Variants in UXS1 observed in about 807,000 individuals in gnomAD.
The protein encoded by UXS1 is UDP-glucuronic acid decarboxylase 1.
UXS1 carries 33 observed loss-of-function variants against 62.6 expected under a neutral mutation model. That is an observed-to-expected ratio of 0.53 (90% confidence interval 0.40 to 0.70). UXS1 has a LOEUF of 0.70. UXS1 is among the 30% of genes least tolerant of loss of function. The pLI, the probability that UXS1 is intolerant of heterozygous loss-of-function variation, is 0.00. For synonymous variants in UXS1, 213 were observed against 206.8 expected, an observed-to-expected ratio of 1.03 and a Z score of -0.26; for missense variants, 434 against 556.3, an observed-to-expected ratio of 0.78 and a Z score of 2.21.
At chr2:106,162,939 C>T (rs1682989683) in intron 4 of UXS1, among the ~76,000 whole-genome samples, 10 of 152,222 alleles carry the variant, frequency 6.6e-5, no homozygotes, top group Admixed American at 6.5e-4. Flanking sequence ...ATCGTCCAAA[C>T]TCATCCCAAT....
intron 9 of UXS1, among the ~76,000 whole-genome samples, chr2:106,116,384 A>G (rs982664544): frequency 7.2e-5 from 11 of 152,186 alleles, no homozygotes; most frequent in South Asian, 6.2e-4. Flanking sequence ...CAAAGGACTC[A>G]AGGGCGGTAA....
intron 14 of UXS1, among the ~76,000 whole-genome samples, chr2:106,094,723 T>G (rs1476253501): frequency 1.3e-5 from 2 of 152,164 alleles, no homozygotes; most frequent in Non-Finnish European, 2.9e-5. Context: ...AAAGCAACCT[T>G]CATCTGAAGC....
intron 1 of UXS1, 56 bp from the exon 2 acceptor site, chr2:106,166,139 C>T: frequency 6.6e-7 from 1 of 1,521,768 alleles, no homozygotes; most frequent in Non-Finnish European, 9.0e-7. Flanking sequence ...TTCAGGGATT[C>T]CAATGGATGG....
chr2:106,164,691 C>A, intron 3 of UXS1, 45 bp downstream of exon 3: 1 of 1,392,566 alleles, frequency 7.2e-7, no homozygotes, highest in Admixed American at 2.3e-5. Context: ...GTAAAATTGA[C>A]AAGTATACAG....
chr2:106,158,083 G>A lies in UXS1; in HGVS notation c.266C>T (p.Ser89Leu). The change falls in exon 5 of 15, where the codon TCA (serine) becomes TTA (leucine). Residue 89 changes from serine (S) to leucine (L), a missense_variant. Transcript: ENST00000283148. ...CAAAATTCTTTTCCGATCCTTTTCTGATAAAAACTTTACTGGTGGGTATTT... is the reference window on the plus strand; with the variant it reads ...CAAAATTCTTTTCCGATCCTTTTCTAATAAAAACTTTACTGGTGGGTATTT... ...TQKYPPVKFLSEKDRKRILIT... is the reference protein window; with the variant it reads ...TQKYPPVKFLLEKDRKRILIT... 1 of 1,567,790 alleles carries A rather than the reference G, an allele frequency of 6.4e-7. No individual in the cohort carries two copies. Among genetic ancestry groups the A allele is most frequent in the Admixed American group, 1.9e-5 (1 of 53,148 alleles).
At chr2:106,124,494 A>G (rs1262130003) in intron 8 of UXS1, among the ~76,000 whole-genome samples, 2 of 152,266 alleles carry the variant, frequency 1.3e-5, no homozygotes, top group African/African-American at 4.8e-5. Flanking sequence ...AGGCTAAGAC[A>G]CTAAGCAAAT....
chr2:106,123,382 T>C (rs1423111278), intron 8 of UXS1, among the ~76,000 whole-genome samples: 1 of 152,226 alleles, frequency 6.6e-6, no homozygotes, highest in Non-Finnish European at 1.5e-5. Flanking sequence ...TTCAGAGTGC[T>C]ACACAAATTA....
At chr2:106,181,300 T>C (rs1684229337) in intron 1 of UXS1, among the ~76,000 whole-genome samples, 1 of 152,194 alleles carries the variant, frequency 6.6e-6, no homozygotes, top group Non-Finnish European at 1.5e-5. Context: ...CATCTCTCTC[T>C]GAAAACTGCT....
intron 10 of UXS1, among the ~76,000 whole-genome samples, chr2:106,110,685 C>G (rs1254124475): frequency 2.6e-5 from 4 of 152,148 alleles, no homozygotes; most frequent in Admixed American, 2.6e-4. Flanking sequence ...AATAATTAGT[C>G]CACTCAACAT....
At chr2:106,193,915 C>T (rs1685099711) in intron 1 of UXS1, among the ~76,000 whole-genome samples, 1 of 152,036 alleles carries the variant, frequency 6.6e-6, no homozygotes, top group Admixed American at 6.5e-5. Context: ...TGCTAGGGGC[C>T]CCTCCGCCCG....
At chr2:106,165,992 A>G in intron 2 of UXS1, 64 bp downstream of exon 2, 2 of 1,505,132 alleles carry the variant, frequency 1.3e-6, no homozygotes, top group Non-Finnish European at 1.8e-6. Flanking sequence ...CATGGTATAT[A>G]TGTACCAACT....
intron 1 of UXS1, among the ~76,000 whole-genome samples, chr2:106,179,749 T>C (rs561175671): frequency 3.9e-5 from 6 of 152,354 alleles, no homozygotes; most frequent in African/African-American, 1.4e-4. Context: ...GAAGACACTA[T>C]GATATAAATC....
chr2:106,125,469 C>T lies in UXS1; in HGVS notation c.637+151G>A, dbSNP rs551586009. 1.8e-4 allele frequency: 110 copies of T among 599,190 alleles called. 1 individual carries two copies. Among genetic ancestry groups the T allele is most frequent in the African/African-American group, 1.8e-3 (95 of 52,826 alleles). The allele number at this position is 599,190 out of a possible 1,614,324, so 37.1% of individuals were successfully genotyped here. ...TGTCCCACAAGGAAGAGGAGCTTGG[C>T]GACCCGGGAGGCCGACAGGTAGCCT... On this transcript the variant is annotated intron_variant, in intron 8 of 14. Coordinates refer to ENST00000283148, the MANE Select transcript of UXS1 (RefSeq NM_001253875.2).
At chr2:106,103,252 A>G (rs1157980990) in intron 11 of UXS1, among the ~76,000 whole-genome samples, 1 of 152,232 alleles carries the variant, frequency 6.6e-6, no homozygotes, top group African/African-American at 2.4e-5. Flanking sequence ...TTTTGCACAC[A>G]ATGCCCTTGA....
chr2:106,115,548 C>G (rs1004923563), intron 9 of UXS1, among the ~76,000 whole-genome samples: 6 of 152,172 alleles, frequency 3.9e-5, no homozygotes, highest in Non-Finnish European at 8.8e-5. Context: ...TCAGGAAGGT[C>G]AAGACAACTC....
chr2:106,165,197 G>A (rs556020049), intron 2 of UXS1, among the ~76,000 whole-genome samples: 1 of 152,236 alleles, frequency 6.6e-6, no homozygotes, highest in African/African-American at 2.4e-5. Flanking sequence ...CCTTTAAAAG[G>A]GATCTGAGCA....
At chr2:106,193,816 G>A (rs1420615057) in intron 1 of UXS1, among the ~76,000 whole-genome samples, 1 of 151,740 alleles carries the variant, frequency 6.6e-6, no homozygotes, top group Non-Finnish European at 1.5e-5. Context: ...CGGGACCCTC[G>A]CCGGCTCCCA....
chr2:106,169,747 T>C (rs1683427780), intron 1 of UXS1, among the ~76,000 whole-genome samples: 1 of 152,182 alleles, frequency 6.6e-6, no homozygotes, highest in South Asian at 2.1e-4. Flanking sequence ...CCTCAGTCCA[T>C]TTCACAGCAG....
chr2:106,105,137 G>A (rs148029212), intron 10 of UXS1, among the ~76,000 whole-genome samples: 19 of 152,118 alleles, frequency 1.2e-4, no homozygotes, highest in Non-Finnish European at 1.3e-4. Flanking sequence ...GGCATCATGT[G>A]AGGCTCTGGG....
Sources: allele counts gnomAD v4.1 joint callset (sites outside exome capture counted in the v4.1 genomes callset), GRCh38; gene constraint gnomAD v4.1.1; transcripts MANE v1.5; gene names NCBI Gene and HGNC (gene_info 2026-07-23, HGNC 2026-07-21).